Variants in PTPRD observed in about 807,000 individuals in gnomAD.
PTPRD encodes the protein protein tyrosine phosphatase receptor type D, also known as receptor-type tyrosine-protein phosphatase delta.
In PTPRD, 34 loss-of-function variants were observed where a neutral mutation model predicts 214.5. That is an observed-to-expected ratio of 0.16 (90% CI 0.12 to 0.21). The LOEUF (loss-of-function observed/expected upper bound fraction) is 0.21, where lower values mean the gene tolerates loss of function less well. Ranked by LOEUF, PTPRD falls within the 10% of genes least tolerant of loss-of-function variation. PTPRD has a pLI of 1.00. For synonymous variants in PTPRD, 1,128 were observed against 845.7 expected, an observed-to-expected ratio of 1.33 and a Z score of -5.79; for missense variants, 2,545 against 2,398.7, an observed-to-expected ratio of 1.06 and a Z score of -1.27.
At chr9:9,085,941 C>G (rs10977476) in intron 10 of PTPRD, among the ~76,000 whole-genome samples, 1 of 152,016 alleles carries the variant, frequency 6.6e-6, no homozygotes, top group Non-Finnish European at 1.5e-5. Flanking sequence ...TTAGCAGATG[C>G]TTGTGGTTTT....
At chr9:9,203,153 C>G (rs949036115) in intron 9 of PTPRD, among the ~76,000 whole-genome samples, 6 of 152,020 alleles carry the variant, frequency 3.9e-5, no homozygotes, top group Admixed American at 6.6e-5. Flanking sequence ...TCACTTGAAC[C>G]TGGGAGGCGG....
At chr9:8,426,685 A>G (rs1247023636) in intron 35 of PTPRD, among the ~76,000 whole-genome samples, 1 of 152,216 alleles carries the variant, frequency 6.6e-6, no homozygotes, top group Non-Finnish European at 1.5e-5. Context: ...TGGGAAACAG[A>G]AAACGAGTTA....
At chr9:8,537,992 G>GA (rs1375663725) in intron 14 of PTPRD, among the ~76,000 whole-genome samples, 2 of 151,370 alleles carry the variant, frequency 1.3e-5, no homozygotes, top group Non-Finnish European at 1.5e-5. Context: ...AACGCATTGA[G>GA]AAAAAAAAGA....
chr9:9,891,760 A>C (rs1322714481), intron 5 of PTPRD, among the ~76,000 whole-genome samples: 2 of 152,142 alleles, frequency 1.3e-5, no homozygotes, highest in Non-Finnish European at 2.9e-5. Context: ...TTATGTACAT[A>C]GGCACATAAA....
intron 10 of PTPRD, chr9:9,091,332 A>C: frequency 1.2e-6 from 1 of 813,610 alleles, no homozygotes. Flanking sequence ...AATTTCTTTA[A>C]ATAGCTGCGT....
chr9:8,800,501 C>T (rs1254581670), intron 11 of PTPRD, among the ~76,000 whole-genome samples: 1 of 152,124 alleles, frequency 6.6e-6, no homozygotes, highest in Non-Finnish European at 1.5e-5. Flanking sequence ...ACCAAGATGG[C>T]CACAAGAGTG....
intron 39 of PTPRD, among the ~76,000 whole-genome samples, chr9:8,373,105 T>A (rs10977013): frequency 6.6e-6 from 1 of 152,022 alleles, no homozygotes; most frequent in Non-Finnish European, 1.5e-5. Context: ...ATGGCTATTG[T>A]GGCTTTTTGC....
At chr9:9,426,632 G>C (rs1160975070) in intron 8 of PTPRD, among the ~76,000 whole-genome samples, 1 of 152,184 alleles carries the variant, frequency 6.6e-6, no homozygotes, top group Non-Finnish European at 1.5e-5. Context: ...TGACCCCCGA[G>C]TCGCCTAACT....
intron 30 of PTPRD, 86 bp downstream of exon 30, chr9:8,484,033 C>T (rs2135744731): frequency 6.7e-7 from 1 of 1,500,864 alleles, no homozygotes; most frequent in Non-Finnish European, 9.0e-7. Flanking sequence ...GCAGTATCTT[C>T]TTTTACGACC....
chr9:8,441,798 C>T (rs866486265), intron 34 of PTPRD, among the ~76,000 whole-genome samples: 11 of 152,244 alleles, frequency 7.2e-5, no homozygotes, highest in Middle Eastern at 3.4e-3. Context: ...AGTTAAAGAA[C>T]TCGATCAAAG....
intron 10 of PTPRD, among the ~76,000 whole-genome samples, chr9:9,028,606 C>G (rs2099594867): frequency 6.6e-6 from 1 of 151,904 alleles, no homozygotes; most frequent in East Asian, 1.9e-4. Flanking sequence ...ATTACTCCAT[C>G]AACAAATATT....
intron 3 of PTPRD, among the ~76,000 whole-genome samples, chr9:10,281,137 G>A (rs1230042688): frequency 1.3e-5 from 2 of 152,082 alleles, no homozygotes; most frequent in African/African-American, 4.8e-5. Flanking sequence ...TACACTAAGT[G>A]AATATTCTAA....
chr9:9,310,523 A>T (rs943734491), intron 9 of PTPRD, among the ~76,000 whole-genome samples: 1 of 152,198 alleles, frequency 6.6e-6, no homozygotes, highest in African/African-American at 2.4e-5. Context: ...TGTGACAATC[A>T]TGTCTTTAGC....
intron 10 of PTPRD, among the ~76,000 whole-genome samples, chr9:9,172,986 A>G (rs1359539348): frequency 6.6e-6 from 1 of 152,170 alleles, no homozygotes; most frequent in Non-Finnish European, 1.5e-5. Flanking sequence ...CTCACTCAGA[A>G]TGAAAGCCAA....
chr9:9,758,275 G>T (rs1274672806), intron 6 of PTPRD, among the ~76,000 whole-genome samples: 1 of 150,974 alleles, frequency 6.6e-6, no homozygotes, highest in Admixed American at 6.6e-5. Flanking sequence ...CCATTCGCTT[G>T]GCTTTTGTAT....
At chr9:9,683,899 A>T (rs2097121914) in intron 7 of PTPRD, among the ~76,000 whole-genome samples, 1 of 151,694 alleles carries the variant, frequency 6.6e-6, no homozygotes, top group Admixed American at 6.6e-5. Context: ...TTCTAATTTT[A>T]TAGTAATTAT....
intron 2 of PTPRD, among the ~76,000 whole-genome samples, chr9:10,525,892 T>C (rs949450941): frequency 5.3e-5 from 8 of 152,108 alleles, no homozygotes; most frequent in African/African-American, 1.9e-4. Flanking sequence ...TCAAACATCC[T>C]GTGTTAAATG....
At chr9:9,295,494 T>C (rs1952687980) in intron 9 of PTPRD, among the ~76,000 whole-genome samples, 2 of 151,766 alleles carry the variant, frequency 1.3e-5, no homozygotes, top group African/African-American at 4.8e-5. Flanking sequence ...ACAGCTGTTT[T>C]GAAAGTACAT....
chr9:10,096,181 C>A (rs189115968), intron 3 of PTPRD, among the ~76,000 whole-genome samples: 1 of 151,616 alleles, frequency 6.6e-6, no homozygotes, highest in South Asian at 2.1e-4. Context: ...CGGTACACTA[C>A]TAGAATTGGG....
Sources: allele counts gnomAD v4.1 joint callset (sites outside exome capture counted in the v4.1 genomes callset), GRCh38; gene constraint gnomAD v4.1.1; transcripts MANE v1.5; gene names NCBI Gene and HGNC (gene_info 2026-07-23, HGNC 2026-07-21).